GPATCH3: variants seen among roughly 807,000 people sequenced by gnomAD.
GPATCH3 encodes G patch domain-containing protein 3.
In GPATCH3, 45 loss-of-function variants were observed where a neutral mutation model predicts 53.2. The observed-to-expected ratio is 0.85, with a 90% CI of 0.67 to 1.08. GPATCH3 has a LOEUF of 1.08. Among genes scored for constraint, GPATCH3 ranks in the 50% least tolerant of loss-of-function variants. The pLI is 0.00. For synonymous variants in GPATCH3, 280 were observed against 270.6 expected, an observed-to-expected ratio of 1.03 and a Z score of -0.34; for missense variants, 680 against 687.2, an observed-to-expected ratio of 0.99 and a Z score of 0.12.
intron 6 of GPATCH3, 56 bp from the exon 7 acceptor site, chr1:26,891,282 G>A: frequency 7.2e-7 from 1 of 1,380,768 alleles, no homozygotes; most frequent in South Asian, 1.2e-5. Context: ...AGTTAAAGGG[G>A]TTGGGAGAGG....
At chr1:26,899,226 T>C (rs183440100) in intron 1 of GPATCH3, among the ~76,000 whole-genome samples, 8 of 152,312 alleles carry the variant, frequency 5.3e-5, no homozygotes, top group African/African-American at 1.7e-4. Flanking sequence ...GCTCTGACAC[T>C]AACTAACTCT....
In GPATCH3 at chr1:26,890,570, A is replaced by G. The variant is rs2124011671; in HGVS notation, c.*440T>C. 1 of 337,476 alleles carries G rather than the reference A, an allele frequency of 3.0e-6. No individual in the cohort carries two copies. The highest frequency in any genetic ancestry group is 1.0e-3 in the Middle Eastern group (1 of 986). 20.9% of individuals were successfully genotyped at this position (337,476 alleles called of 1,614,324 possible). The stretch of plus-strand genomic sequence containing the variant: ...GGACTCTCCGCTGGCAGTCCCACCC[A>G]GTGAGGGTAGAGGCGGTGGAGGGCC... On this transcript the variant is annotated 3_prime_UTR_variant, in exon 7 of 7. Transcript: ENST00000361720.
At chr1:26,893,260 C>G (rs1310878273) in intron 4 of GPATCH3, 129 bp downstream of exon 4, 12 of 776,854 alleles carry the variant, frequency 1.5e-5, no homozygotes, top group South Asian at 2.8e-5. Flanking sequence ...TAAGAGGAAC[C>G]CTCTCAGTGG....
At chr1:26,899,590 T>G (rs894739903) in intron 1 of GPATCH3, among the ~76,000 whole-genome samples, 6 of 152,174 alleles carry the variant, frequency 3.9e-5, no homozygotes, top group Non-Finnish European at 7.4e-5. Context: ...TGATTTCCCA[T>G]GAAAGTGGGA....
At position 26,900,294 on chromosome 1, in the gene GPATCH3, C is replaced by G. The variant is rs772863249; in HGVS notation, c.149G>C (p.Arg50Pro). Residue 50 changes from arginine to proline, a missense_variant, in exon 1 of 7, where the codon CGG (arginine) becomes CCG (proline). Physicochemically the swap from Arg to Pro is moderately radical, Grantham distance 103. Coordinates refer to ENST00000361720, the MANE Select transcript of GPATCH3 (RefSeq NM_022078.3). The part of the protein sequence containing the change: ...RGGGFLCFHY[R>P]HRPERAPPQA... ...CGGAGGGGCCCGCTCAGGCCGATGC[C>G]GGTAGTGGAAACAGAGGAAGCCACC... 3.1e-6 allele frequency: 5 copies of G among 1,613,910 alleles called. No homozygotes were observed. The Admixed American group carries it at 6.7e-5, about 22-fold the overall frequency.
rs1473998216 is a variant in GPATCH3, at chr1:26,892,762, C to G, written c.1141G>C (p.Val381Leu). Reference sequence around the variant, plus strand: ...AGTCTCTGTTCCAGACGCATTTGGACAGAGTCTCGGGCATCCTTGTCTCCA... The same window carrying G: ...AGTCTCTGTTCCAGACGCATTTGGAGAGAGTCTCGGGCATCCTTGTCTCCA... ...DGGDKDARDS[V>L]QMRLEQRLRD... The change falls in exon 5 of 7, where the codon GTC becomes CTC. Residue 381 changes from valine to leucine, a missense_variant. Transcript: ENST00000361720. 6.2e-7 allele frequency: 1 copy of G among 1,614,192 alleles called. No individual in the cohort carries two copies. Among genetic ancestry groups the G allele is most frequent in the Non-Finnish European group, 8.5e-7 (1 of 1,180,014 alleles).
At chr1:26,897,273 C>A (rs773133053) in intron 2 of GPATCH3, 28 bp downstream of exon 2, 92 of 1,597,818 alleles carry the variant, frequency 5.8e-5, no homozygotes, top group Non-Finnish European at 7.6e-5. Flanking sequence ...CAGCTGCCAG[C>A]AAGGACAGGG....
At position 26,899,987 on chromosome 1, in the gene GPATCH3, C is replaced by T; in HGVS notation, c.451+5G>A. 1 of 1,613,850 alleles carries T rather than the reference C, an allele frequency of 6.2e-7. No individual in the cohort carries two copies. Among genetic ancestry groups the T allele is most frequent in the Non-Finnish European group, 8.5e-7 (1 of 1,179,858 alleles). ...GGCCCAGTCTATTAACTTTCTCACT[C>T]TTACCTGATGCCTCCGTAGGTAGCC... On this transcript the variant is annotated splice_donor_5th_base_variant and intron_variant, in intron 1 of 6. Transcript: ENST00000361720.
chr1:26,890,619 C>T lies in GPATCH3; in HGVS notation c.*391G>A. 2.6e-6 allele frequency: 1 copy of T among 382,150 alleles called. No individual in the cohort carries two copies. The highest frequency in any genetic ancestry group is 5.2e-6 in the Non-Finnish European group (1 of 192,314). 23.7% of individuals were successfully genotyped at this position (382,150 alleles called of 1,614,324 possible). Reference sequence around the variant, plus strand: ...CCCACCCAAGGCCGGCTCTTCCAAGCACCACAAATCCTCTCCTCGCCCAGG... The same window carrying T: ...CCCACCCAAGGCCGGCTCTTCCAAGTACCACAAATCCTCTCCTCGCCCAGG... On this transcript the variant is annotated 3_prime_UTR_variant, in exon 7 of 7. Transcript: ENST00000361720.
Position 26,900,415 on chromosome 1 carries a change from C to A in GPATCH3, c.28G>T (p.Glu10Ter). Residue 10 changes from glutamate to a stop codon, truncating the protein, a stop_gained, in exon 1 of 7, where the codon GAG becomes TAG. Coordinates refer to ENST00000361720, the MANE Select transcript of GPATCH3 (RefSeq NM_022078.3). LOFTEE classifies it high-confidence loss of function. The stretch of plus-strand genomic sequence containing the variant: ...CTCACTACCAGGTAAACTGTCGCCT[C>A]CTCCTCCGCCTCGCCGGGCACCGCC... MAVPGEAEE[E>*]ATVYLVVSGI... is the part of the protein sequence containing the mutation. 6.2e-7 allele frequency: 1 copy of A among 1,610,672 alleles called. No individual in the cohort carries two copies. Among genetic ancestry groups the A allele is most frequent in the Non-Finnish European group, 8.5e-7 (1 of 1,177,624 alleles).
Position 26,900,019 on chromosome 1 carries a change from T to C in GPATCH3, c.424A>G (p.Arg142Gly). The change falls in exon 1 of 7, where the codon AGA (arginine) becomes GGA (glycine). Residue 142 changes from arginine (R) to glycine (G), a missense_variant. Coordinates refer to ENST00000361720, the MANE Select transcript of GPATCH3 (RefSeq NM_022078.3). ...TWLPGRCLIR[R>G]LRLPTEASGL... is the part of the protein sequence containing the mutation. ...GATGCCTCCGTAGGTAGCCGAAGTC[T>C]GCGGATGAGACAGCGACCCGGTAGC... 6.2e-7 allele frequency: 1 copy of C among 1,614,138 alleles called. No individual in the cohort carries two copies.
At position 26,897,220 on chromosome 1, in the gene GPATCH3, T is replaced by C. The variant is rs2871814; in HGVS notation, c.876+81A>G. The C allele has an allele frequency of 5.2e-3, 7,117 of 1,364,674 alleles. 291 individuals carry two copies. In the African/African-American group the frequency reaches 0.088, roughly 17 times the overall value. The allele number at this position is 1,364,674 out of a possible 1,614,324, so 84.5% of individuals were successfully genotyped here. A position where few individuals can be genotyped will look rare whatever the true frequency, so the allele number is the denominator to read the frequency against. ...GACCCCAGGTTAAGAACCCTTGTAA[T>C]AGACAATTGAAGAGTGGTATTATTA... is the stretch of plus-strand genomic sequence containing the variant. On this transcript the variant is annotated intron_variant, in intron 2 of 6. Transcript: ENST00000361720.
Position 26,897,540 on chromosome 1 carries a change from G to C in GPATCH3, c.637C>G (p.Pro213Ala), listed in dbSNP as rs751839023. 14 of 1,614,180 alleles carry C rather than the reference G, an allele frequency of 8.7e-6. No homozygotes were observed. In the Middle Eastern group the frequency reaches 5.0e-4, roughly 57 times the overall value. The change falls in exon 2 of 7, where the codon CCT becomes GCT. Residue 213 changes from proline to alanine, a missense_variant. Coordinates refer to ENST00000361720, the MANE Select transcript of GPATCH3 (RefSeq NM_022078.3). ...LELIRACRLP[P>A]RIITQLQLQF... ...AGCTGCAGCTGGGTGATGATCCGAG[G>C]GGGTAGGCGGCAGGCCCGGATCAAC...
chr1:26,898,954 T>C (rs1023824520), intron 1 of GPATCH3, among the ~76,000 whole-genome samples: 1 of 152,320 alleles, frequency 6.6e-6, no homozygotes, highest in Admixed American at 6.5e-5. Context: ...CACGAGCCAT[T>C]GCAACCCAGC....
Position 26,890,637 on chromosome 1 carries a change from C to T in GPATCH3, c.*373G>A, listed in dbSNP as rs2081919722. On this transcript the variant is annotated 3_prime_UTR_variant, in exon 7 of 7. Coordinates refer to ENST00000361720, the MANE Select transcript of GPATCH3 (RefSeq NM_022078.3). ...TTCCAAGCACCACAAATCCTCTCCTCGCCCAGGTCCCTTTCCCCCTTTCTG... is the reference window on the plus strand; with the variant it reads ...TTCCAAGCACCACAAATCCTCTCCTTGCCCAGGTCCCTTTCCCCCTTTCTG... 2.3e-5 allele frequency: 9 copies of T among 398,888 alleles called. No individual in the cohort carries two copies. The highest frequency in any genetic ancestry group is 2.2e-4 in the Admixed American group (6 of 26,764). 24.7% of individuals were successfully genotyped at this position (398,888 alleles called of 1,614,324 possible).
intron 4 of GPATCH3, 81 bp downstream of exon 4, chr1:26,893,308 C>A: frequency 2.7e-6 from 3 of 1,121,554 alleles, no homozygotes; most frequent in Non-Finnish European, 4.1e-6. Flanking sequence ...CCTGTCTCAG[C>A]CTTTGCTAGC....
Position 26,892,433 on chromosome 1 carries a change from G to A in GPATCH3, c.1339C>T (p.Pro447Ser), listed in dbSNP as rs373553144. The A allele has an allele frequency of 1.2e-6, 2 of 1,613,518 alleles. No individual in the cohort carries two copies. Among genetic ancestry groups the A allele is most frequent in the Admixed American group, 3.3e-5 (2 of 59,982 alleles). The change falls in exon 6 of 7, where the codon CCC becomes TCC. Residue 447 changes from proline (P) to serine (S), a missense_variant. Pro to Ser is a moderately conservative substitution (Grantham distance 74, BLOSUM62 -1). Coordinates refer to ENST00000361720, the MANE Select transcript of GPATCH3 (RefSeq NM_022078.3). ...PEALDSDGQH[P>S]RCKRGLGYHG... ...TACCCCAATCCACGCTTGCATCTGGGGTGTTGGCCATCACTATCCAGGGCC... is the reference window on the plus strand; with the variant it reads ...TACCCCAATCCACGCTTGCATCTGGAGTGTTGGCCATCACTATCCAGGGCC...
At chr1:26,892,868 G>A (rs1412474888) in intron 4 of GPATCH3, 77 bp from the exon 5 acceptor site, 29 of 1,541,840 alleles carry the variant, frequency 1.9e-5, no homozygotes, top group East Asian at 1.6e-4. Flanking sequence ...GGACCCCCTC[G>A]TAAGATTGAC....
intron 4 of GPATCH3, 21 bp from the exon 5 acceptor site, chr1:26,892,812 T>A (rs759131432): frequency 6.2e-7 from 1 of 1,610,888 alleles, no homozygotes; most frequent in South Asian, 1.1e-5. Flanking sequence ...AGAGCTCAGT[T>A]TATGGAAGCG....
Sources: gnomAD v4.1 joint callset for allele counts (sites outside exome capture counted in the v4.1 genomes callset) on GRCh38, gnomAD v4.1.1 for gene constraint, MANE v1.5 for transcripts, NCBI Gene and HGNC (gene_info 2026-07-23, HGNC 2026-07-21) for gene names.